Variants in ADGRV1 observed in about 807,000 individuals in gnomAD.
The protein encoded by ADGRV1 is adhesion G protein-coupled receptor V1, also known as G-protein coupled receptor 98.
A neutral mutation model predicts 596.2 loss-of-function variants in ADGRV1; 359 were observed. The observed-to-expected ratio is 0.60, with a 90% CI of 0.55 to 0.66. The LOEUF (loss-of-function observed/expected upper bound fraction) is 0.66, where lower values mean the gene tolerates loss of function less well. Among genes scored for constraint, ADGRV1 ranks in the 30% least tolerant of loss-of-function variants. The pLI is 0.00. For missense variants in ADGRV1, 7,274 were observed against 7,575.6 expected, an observed-to-expected ratio of 0.96 and a Z score of 1.48; for synonymous variants, 2,681 against 2,679.2, an observed-to-expected ratio of 1.00 and a Z score of -0.02.
chr5:90,654,146 A>C, intron 20 of ADGRV1, 194 bp downstream of exon 20: 1 of 645,742 alleles, frequency 1.5e-6, no homozygotes, highest in Non-Finnish European at 2.6e-6. Flanking sequence ...GAAATGAATC[A>C]GAGAATTTTG....
chr5:90,793,141 C>T (rs1054429691), intron 70 of ADGRV1: 5 of 152,212 alleles, frequency 3.3e-5, no homozygotes, highest in African/African-American at 1.2e-4. Context: ...CATGACCTTA[C>T]TTTATCAATT....
intron 24 of ADGRV1, 122 bp from the exon 25 acceptor site, chr5:90,675,958 G>T: frequency 1.5e-6 from 1 of 664,164 alleles, no homozygotes; most frequent in Non-Finnish European, 2.4e-6. Context: ...TGTCTTCTTA[G>T]CATTTATAAT....
At chr5:91,161,446 T>G (rs1390432076) in intron 89 of ADGRV1, among the ~76,000 whole-genome samples, 2 of 151,900 alleles carry the variant, frequency 1.3e-5, no homozygotes, top group Non-Finnish European at 2.9e-5. Flanking sequence ...TTTTTTGTTT[T>G]GTTTTGTAAT....
chr5:90,612,685 A>G (rs917205208), intron 1 of ADGRV1, among the ~76,000 whole-genome samples: 3 of 152,096 alleles, frequency 2.0e-5, no homozygotes, highest in African/African-American at 7.2e-5. Context: ...TGTTATGATC[A>G]CTCTGTAAAA....
chr5:90,711,121 TAA>T, intron 40 of ADGRV1, 61 bp from the exon 41 acceptor site: 4 of 1,578,992 alleles, frequency 2.5e-6, no homozygotes, highest in Non-Finnish European at 3.5e-6. Context: ...ATCTACCAAA[TAA>T]AAGTTTCTAA....
intron 49 of ADGRV1, 36 bp downstream of exon 49, chr5:90,728,969 T>C: frequency 2.1e-6 from 3 of 1,401,064 alleles, no homozygotes; most frequent in Non-Finnish European, 2.9e-6. Flanking sequence ...TATATATAAT[T>C]ATTGAAATCA....
intron 83 of ADGRV1, among the ~76,000 whole-genome samples, chr5:90,898,026 G>A (rs1383999476): frequency 6.6e-6 from 1 of 152,198 alleles, no homozygotes; most frequent in African/African-American, 2.4e-5. Context: ...TTAAAAGTAA[G>A]ATAGAGGTTT....
At chr5:90,859,999 G>A (rs1474476531) in intron 82 of ADGRV1, among the ~76,000 whole-genome samples, 1 of 151,916 alleles carries the variant, frequency 6.6e-6, no homozygotes, top group African/African-American at 2.4e-5. Flanking sequence ...GCTGAGACAG[G>A]AGGATTGCTT....
chr5:90,646,930 C>A (rs374258235), intron 16 of ADGRV1, among the ~76,000 whole-genome samples: 2 of 151,972 alleles, frequency 1.3e-5, no homozygotes, highest in East Asian at 1.9e-4. Context: ...CACACCACCA[C>A]GCCCAGCTAA....
At chr5:90,686,931 A>T (rs1040804973) in intron 29 of ADGRV1, among the ~76,000 whole-genome samples, 2 of 152,126 alleles carry the variant, frequency 1.3e-5, no homozygotes, top group Admixed American at 6.5e-5. Flanking sequence ...ATGGTATCTC[A>T]TTGTGGTTTT....
intron 85 of ADGRV1, among the ~76,000 whole-genome samples, chr5:91,054,102 T>TGA (rs3079380): frequency 0.023 from 2,963 of 126,674 alleles, 39 homozygotes; most frequent in East Asian, 0.032. Flanking sequence ...TGTGTGTGTG[T>TGA]GAGAGAGAGA....
rs570861759 is a variant in ADGRV1 at position 90,627,403 on chromosome 5, A to G, written c.865A>G (p.Asn289Asp). The stretch of plus-strand genomic sequence containing the variant: ...AATTCCAGTAGTTCGTGGAAAGGAC[A>G]ACAATGGAAATCTGATTGGATCTGA... ...LIIPVVRGKD[N>D]NGNLIGSDEY... The change falls in exon 7 of 90, where the codon AAC (asparagine) becomes GAC (aspartate). Residue 289 changes from asparagine to aspartate, a missense_variant. By Grantham distance (23) the Asn-to-Asp change is conservative (BLOSUM62 1). Coordinates refer to ENST00000405460, the MANE Select transcript of ADGRV1 (RefSeq NM_032119.4). 5 of 1,613,958 alleles carry G rather than the reference A, an allele frequency of 3.1e-6. No individual in the cohort carries two copies. The East Asian group carries it at 6.7e-5, about 22-fold the overall frequency.
chr5:90,859,985 G>A (rs947647536), intron 82 of ADGRV1, among the ~76,000 whole-genome samples: 6 of 151,714 alleles, frequency 4.0e-5, no homozygotes, highest in Non-Finnish European at 8.8e-5. Context: ...CAGCTACTCA[G>A]GTGGCTGAGA....
chr5:90,826,268 G>T (rs1764066445), intron 76 of ADGRV1, among the ~76,000 whole-genome samples: 1 of 152,156 alleles, frequency 6.6e-6, no homozygotes, highest in African/African-American at 2.4e-5. Flanking sequence ...TGGGCTTTGA[G>T]AAATTATTTG....
chr5:90,919,620 C>G (rs1773693327), intron 83 of ADGRV1, among the ~76,000 whole-genome samples: 1 of 152,104 alleles, frequency 6.6e-6, no homozygotes, highest in Non-Finnish European at 1.5e-5. Context: ...TTAGTTTAAG[C>G]TTTGAGTGTC....
At chr5:91,123,550 C>G (rs1793506032) in intron 87 of ADGRV1, among the ~76,000 whole-genome samples, 1 of 152,122 alleles carries the variant, frequency 6.6e-6, no homozygotes, top group African/African-American at 2.4e-5. Flanking sequence ...CCTAAGGCCC[C>G]ACCTTTTAAT....
intron 85 of ADGRV1, among the ~76,000 whole-genome samples, chr5:91,020,912 AAAAG>A (rs1783581528): frequency 6.6e-6 from 1 of 152,224 alleles, no homozygotes; most frequent in East Asian, 1.9e-4. Flanking sequence ...CAATTCAAAT[AAAAG>A]AAGTATTTTC....
At chr5:90,931,452 A>C (rs185008326) in intron 83 of ADGRV1, among the ~76,000 whole-genome samples, 31 of 152,330 alleles carry the variant, frequency 2.0e-4, no homozygotes, top group Admixed American at 1.4e-3. Context: ...AGTTTCTATA[A>C]ATCAAATTCC....
intron 83 of ADGRV1, among the ~76,000 whole-genome samples, chr5:90,955,388 G>T (rs949787): frequency 0.39 from 59,400 of 151,846 alleles, 12,930 homozygotes; most frequent in African/African-American, 0.59. Context: ...CTATACTTCT[G>T]GCCTGCTGCC....
Sources: allele counts gnomAD v4.1 joint callset (sites outside exome capture counted in the v4.1 genomes callset), GRCh38; gene constraint gnomAD v4.1.1; transcripts MANE v1.5; gene names NCBI Gene and HGNC (gene_info 2026-07-23, HGNC 2026-07-21).